IMPG2: variants seen among roughly 807,000 people sequenced by gnomAD.
IMPG2 encodes the protein IPM 200.
In IMPG2, 91 loss-of-function variants were observed where a neutral mutation model predicts 129.2. The observed-to-expected ratio is 0.70, with a 90% CI of 0.59 to 0.84. IMPG2 has a LOEUF of 0.84. Ranked by LOEUF, IMPG2 falls within the 40% of genes least tolerant of loss-of-function variation. IMPG2 has a pLI of 0.00. For synonymous variants in IMPG2, 510 were observed against 517.7 expected (o/e 0.99, Z 0.20); for missense variants, 1,430 against 1,461.7 (o/e 0.98, Z 0.35).
Position 101,230,952 on chromosome 3 carries a change from T to C in IMPG2, c.3422+5A>G, listed in dbSNP as rs1236695407. ...TTCCATTAGAGAGCTCTTTTCCTTA[T>C]TTACCTGAAGGGACTCTCTCTTTCA... On this transcript the variant is annotated splice_donor_5th_base_variant and intron_variant, in intron 16 of 18. Transcript: ENST00000193391. The C allele has an allele frequency of 6.2e-7, 1 of 1,610,164 alleles. No homozygotes were observed. The highest frequency in any genetic ancestry group is 8.5e-7 in the Non-Finnish European group (1 of 1,176,540).
chr3:101,282,991 T>G (rs1159185846), intron 4 of IMPG2, among the ~76,000 whole-genome samples: 1 of 152,164 alleles, frequency 6.6e-6, no homozygotes, highest in African/African-American at 2.4e-5. Flanking sequence ...ACATGGGACA[T>G]GTAAACTGTG....
At position 101,226,776 on chromosome 3, in the gene IMPG2, T is replaced by TA; in HGVS notation, c.*192dup. On this transcript the variant is annotated 3_prime_UTR_variant, in exon 19 of 19. Transcript: ENST00000193391. ...ACACAGCATTCAGTCTTTATAGAAA[T>TA]AAAAATGGTAACATCTCTTACTACA... is the stretch of plus-strand genomic sequence containing the variant. The TA allele has an allele frequency of 3.3e-6, 2 of 600,660 alleles. No individual in the cohort carries two copies. Among genetic ancestry groups the TA allele is most frequent in the Non-Finnish European group, 5.9e-6 (2 of 338,310 alleles). 37.2% of individuals were successfully genotyped at this position (600,660 alleles called of 1,614,324 possible). A position where few individuals can be genotyped will look rare whatever the true frequency, so the allele number is the denominator to read the frequency against.
Position 101,288,988 on chromosome 3 carries a change from C to T in IMPG2, c.533+2491G>A, listed in dbSNP as rs536356551. On this transcript the variant is annotated intron_variant, in intron 4 of 18. Transcript: ENST00000193391. ...GTACATATTAAGATTATACTACATA[C>T]ACGCTTGGTGCTAGTTAATGTAGAG... 2.6e-5 allele frequency among the ~76,000 whole-genome samples: 4 copies of T among 152,288 alleles called. No individual in the cohort carries two copies. The East Asian group carries it at 7.7e-4, about 29-fold the overall frequency.
At chr3:101,290,066 C>T (rs1207662859) in intron 4 of IMPG2, among the ~76,000 whole-genome samples, 2 of 151,662 alleles carry the variant, frequency 1.3e-5, no homozygotes, top group Non-Finnish European at 2.9e-5. Context: ...AGAAGTTAAT[C>T]GAGCCAATAG....
chr3:101,270,137 G>A (rs1315562704), intron 7 of IMPG2, among the ~76,000 whole-genome samples: 1 of 151,586 alleles, frequency 6.6e-6, no homozygotes, highest in African/African-American at 2.4e-5. Context: ...GGGTTTCACC[G>A]TGTTGGCCAG....
intron 9 of IMPG2, among the ~76,000 whole-genome samples, chr3:101,265,542 A>G (rs975293242): frequency 3.3e-5 from 5 of 152,116 alleles, no homozygotes; most frequent in African/African-American, 9.7e-5. Flanking sequence ...TATACAAAAA[A>G]TCCACTCAAA....
intron 4 of IMPG2, among the ~76,000 whole-genome samples, chr3:101,288,961 C>T (rs572197856): frequency 1.3e-5 from 2 of 152,268 alleles, no homozygotes; most frequent in African/African-American, 4.8e-5. Context: ...GCAATATAAA[C>T]TGTACATATT....
intron 7 of IMPG2, among the ~76,000 whole-genome samples, chr3:101,269,957 G>C (rs1453474475): frequency 8.1e-6 from 1 of 123,756 alleles, no homozygotes; most frequent in Admixed American, 9.8e-5. Flanking sequence ...TTGAGACAGA[G>C]TTTCACTCTG....
At position 101,268,559 on chromosome 3, in the gene IMPG2, T is replaced by C. The variant is rs1706745335; in HGVS notation, c.887+956A>G. Among the ~76,000 whole-genome samples, 3 of 152,326 alleles carry C rather than the reference T, an allele frequency of 2.0e-5. No homozygotes were observed. In the South Asian group the frequency reaches 6.2e-4, roughly 32 times the overall value. The stretch of plus-strand genomic sequence containing the variant: ...GCTCTGGTTTCCTTATTGGAAAATA[T>C]GAGCATAGTAACTATCTCATAGCAT... On this transcript the variant is annotated intron_variant, in intron 8 of 18. Transcript: ENST00000193391.
At chr3:101,253,933 T>G in intron 10 of IMPG2, 152 bp from the exon 11 acceptor site, 1 of 640,974 alleles carries the variant, frequency 1.6e-6, no homozygotes, top group Non-Finnish European at 2.8e-6. Context: ...TTTGTTACTT[T>G]ATTCAGATAT....
intron 11 of IMPG2, among the ~76,000 whole-genome samples, chr3:101,248,511 T>C (rs542052229): frequency 6.6e-6 from 1 of 152,308 alleles, no homozygotes; most frequent in East Asian, 1.9e-4. Context: ...ACAGTGCCCC[T>C]TGTCTCTCTG....
chr3:101,319,977 G>T, intron 1 of IMPG2, 145 bp from the exon 2 acceptor site: 3 of 794,880 alleles, frequency 3.8e-6, no homozygotes, highest in African/African-American at 1.7e-5. Context: ...CTAAGGAAAA[G>T]AGGAGTGAGG....
Position 101,253,851 on chromosome 3 carries a change from T to C in IMPG2, c.1154-70A>G, listed in dbSNP as rs754175925. ...ATTGTATTTGAGGTGCAGGGACAAC[T>C]GAAAGTCAAGTTCTTTCTCTTCATT... On this transcript the variant is annotated intron_variant, in intron 10 of 18. Transcript: ENST00000193391. The C allele has an allele frequency of 7.2e-5, 76 of 1,060,082 alleles. No homozygotes were observed. In the South Asian group the frequency reaches 7.6e-4, roughly 11 times the overall value. 65.7% of individuals were successfully genotyped at this position (1,060,082 alleles called of 1,614,324 possible). A position where few individuals can be genotyped will look rare whatever the true frequency, so the allele number is the denominator to read the frequency against.
Position 101,244,566 on chromosome 3 carries a change from C to A in IMPG2, c.1765G>T (p.Ala589Ser). The change falls in exon 13 of 19, where the codon GCA becomes TCA. Residue 589 changes from alanine (A) to serine (S), a missense_variant. By Grantham distance (99) the Ala-to-Ser change is moderately conservative (BLOSUM62 1). Coordinates refer to ENST00000193391, the MANE Select transcript of IMPG2 (RefSeq NM_016247.4). The part of the protein sequence containing the change: ...QLKVSPFLPD[A>S]SMEKELIFDG... The stretch of plus-strand genomic sequence containing the variant: ...AATATTAACTCTTTTTCCATGGATG[C>A]ATCTGGCAGGAAAGGGCTCACTTTT... The A allele has an allele frequency of 1.3e-6, 2 of 1,592,186 alleles. No individual in the cohort carries two copies. Among genetic ancestry groups the A allele is most frequent in the Non-Finnish European group, 1.7e-6 (2 of 1,169,968 alleles).
intron 2 of IMPG2, among the ~76,000 whole-genome samples, chr3:101,307,061 A>G (rs1276520558): frequency 6.6e-6 from 1 of 152,194 alleles, no homozygotes; most frequent in African/African-American, 2.4e-5. Context: ...CAAACAACCT[A>G]ATTTTTACAA....
intron 2 of IMPG2, among the ~76,000 whole-genome samples, chr3:101,309,837 C>T (rs774393207): frequency 4.0e-4 from 61 of 152,024 alleles, no homozygotes; most frequent in Non-Finnish European, 8.4e-4. Flanking sequence ...AAACAAATGG[C>T]CATATAATGG....
intron 2 of IMPG2, among the ~76,000 whole-genome samples, chr3:101,316,750 G>T (rs1157181717): frequency 6.6e-6 from 1 of 151,974 alleles, no homozygotes; most frequent in Non-Finnish European, 1.5e-5. Flanking sequence ...TTACTCAATA[G>T]AAATGAAAAT....
In IMPG2 at chr3:101,318,441, C is replaced by T. The variant is rs569017135; in HGVS notation, c.334+1143G>A. ...AAATACACTCATAACAAAGAGCTGC[C>T]AATATACATTGTACTACTTTAACAA... On this transcript the variant is annotated intron_variant, in intron 2 of 18. Coordinates refer to ENST00000193391, the MANE Select transcript of IMPG2 (RefSeq NM_016247.4). Among the ~76,000 whole-genome samples the T allele has an allele frequency of 4.5e-4, 69 of 151,882 alleles. 2 individuals carry two copies. The highest frequency in any genetic ancestry group is 7.9e-4 in the Admixed American group (12 of 15,238).
intron 12 of IMPG2, among the ~76,000 whole-genome samples, chr3:101,245,013 G>C (rs181208837): frequency 2.4e-4 from 37 of 151,658 alleles, no homozygotes; most frequent in Middle Eastern, 6.9e-3. Flanking sequence ...ACAATACCTT[G>C]ACTATTGAAA....
Sources: gnomAD v4.1 joint callset for allele counts (sites outside exome capture counted in the v4.1 genomes callset) on GRCh38, gnomAD v4.1.1 for gene constraint, MANE v1.5 for transcripts, NCBI Gene and HGNC (gene_info 2026-07-23, HGNC 2026-07-21) for gene names.